The following DACH2 variants were observed in gnomAD, a reference collection of about 807,000 sequenced individuals.
DACH2 encodes the protein dachshund homolog 2.
A neutral mutation model predicts 35.8 loss-of-function variants in DACH2; 17 were observed. The observed-to-expected ratio is 0.48, with a 90% CI of 0.33 to 0.71. DACH2 has a LOEUF of 0.71. Among genes scored for constraint, DACH2 ranks in the 30% least tolerant of loss-of-function variants. The pLI is 0.02. For synonymous variants in DACH2, 195 were observed against 177.3 expected, an observed-to-expected ratio of 1.10 and a Z score of -0.79; for missense variants, 469 against 472.7, an observed-to-expected ratio of 0.99 and a Z score of 0.07.
chrX:86,274,459 TTTTTTC>T (rs1341724402), intron 1 of DACH2, among the ~76,000 whole-genome samples: 5 of 38,724 alleles, frequency 1.3e-4, no homozygotes, highest in African/African-American at 4.4e-4. Context: ...TCCTTTTTTT[TTTTTTC>T]TTTTTTTTTT....
At chrX:86,230,249 T>A (rs745624721) in intron 1 of DACH2, among the ~76,000 whole-genome samples, 3 of 111,749 alleles carry the variant, frequency 2.7e-5, no homozygotes, top group Non-Finnish European at 5.6e-5. Flanking sequence ...ATTCTGTTTA[T>A]GTGGTGAATC....
At chrX:86,326,311 C>A (rs927163883) in intron 1 of DACH2, among the ~76,000 whole-genome samples, 1 of 109,881 alleles carries the variant, frequency 9.1e-6, no homozygotes, top group Non-Finnish European at 1.9e-5. Context: ...TCCATCTCTA[C>A]AAAAAATTAG....
chrX:86,716,928 T>A, intron 6 of DACH2, among the ~76,000 whole-genome samples: 1 of 112,201 alleles, frequency 8.9e-6, no homozygotes, highest in East Asian at 2.8e-4. Flanking sequence ...TTTATACAAC[T>A]TTTTAAAAGG....
chrX:86,191,810 G>A (rs746016260), intron 1 of DACH2, among the ~76,000 whole-genome samples: 2 of 110,016 alleles, frequency 1.8e-5, no homozygotes, highest in African/African-American at 3.3e-5. Context: ...ACGTGGTAGC[G>A]GGAACCTGTA....
intron 3 of DACH2, among the ~76,000 whole-genome samples, chrX:86,549,548 T>G (rs1306622504): frequency 1.8e-5 from 2 of 110,457 alleles, no homozygotes; most frequent in Non-Finnish European, 3.8e-5. Flanking sequence ...CTTTCAGGTA[T>G]AAGTTACGAA....
At chrX:86,503,125 C>T (rs1012248125) in intron 2 of DACH2, among the ~76,000 whole-genome samples, 1 of 112,274 alleles carries the variant, frequency 8.9e-6, no homozygotes, top group African/African-American at 3.2e-5. Context: ...AGAATTCCCT[C>T]ATGTAAATTT....
intron 4 of DACH2, among the ~76,000 whole-genome samples, chrX:86,667,518 AAAGAAAGAAAGAAAGAAAGAAAGAAAG>A (rs1569463575): frequency 6.8e-5 from 4 of 59,011 alleles, no homozygotes; most frequent in Admixed American, 4.1e-4. Context: ...AGAAAGAAAG[AAAGAAAGAAAGAAAGAAAGAAAGAAAG>A]AAGAAAGAAA....
chrX:86,796,761 A>G (rs1000350676), intron 7 of DACH2, among the ~76,000 whole-genome samples: 1 of 112,028 alleles, frequency 8.9e-6, no homozygotes, highest in Non-Finnish European at 1.9e-5. Flanking sequence ...TGTGAAGTAT[A>G]TCTTAAAAAT....
chrX:86,546,430 C>A (rs1356972300), intron 3 of DACH2, among the ~76,000 whole-genome samples: 2 of 85,783 alleles, frequency 2.3e-5, no homozygotes, highest in Admixed American at 2.7e-4. Context: ...TCTTCTTCTT[C>A]TTCCTCTTCT....
chrX:86,634,219 C>T (rs912711809), intron 3 of DACH2, among the ~76,000 whole-genome samples: 28 of 111,577 alleles, frequency 2.5e-4, no homozygotes, highest in Admixed American at 2.4e-3. Context: ...TATCCAATCA[C>T]CTCCCACCAC....
At chrX:86,254,807 T>TATATATATATATATATATATAGAGAGAG (rs1380613474) in intron 1 of DACH2, among the ~76,000 whole-genome samples, 1 of 49,652 alleles carries the variant, frequency 2.0e-5, no homozygotes, top group African/African-American at 1.2e-4. Context: ...TATATATATA[T>TATATATATATATATATATATAGAGAGAG]AGAGAGAGAG....
intron 1 of DACH2, among the ~76,000 whole-genome samples, chrX:86,343,740 T>C (rs1345704152): frequency 9.0e-6 from 1 of 111,730 alleles, no homozygotes; most frequent in South Asian, 3.7e-4. Flanking sequence ...CAATTAAAAA[T>C]GTATATAAAA....
intron 1 of DACH2, among the ~76,000 whole-genome samples, chrX:86,281,499 C>T (rs2034027360): frequency 1.8e-5 from 2 of 111,642 alleles, no homozygotes; most frequent in Admixed American, 1.9e-4. Context: ...TGGAACATAT[C>T]TCAAAATAAT....
At chrX:86,711,270 G>A (rs919078717) in intron 5 of DACH2, among the ~76,000 whole-genome samples, 3 of 111,136 alleles carry the variant, frequency 2.7e-5, no homozygotes, top group African/African-American at 6.5e-5. Flanking sequence ...CCAGCTACTC[G>A]GGAGGGTGAG....
chrX:86,628,438 A>T (rs1407204417), intron 3 of DACH2, among the ~76,000 whole-genome samples: 2 of 112,112 alleles, frequency 1.8e-5, no homozygotes, highest in East Asian at 5.6e-4. Flanking sequence ...ATGATTCCTC[A>T]GTCAGTATTC....
chrX:86,832,223 C>A lies in DACH2; in HGVS notation c.*68C>A. The A allele has an allele frequency of 1.2e-6, 1 of 860,441 alleles. No homozygotes were observed. The highest frequency in any genetic ancestry group is 1.7e-6 in the Non-Finnish European group (1 of 590,117). 70.9% of individuals were successfully genotyped at this position (860,441 alleles called of 1,213,427 possible). On this transcript the variant is annotated 3_prime_UTR_variant, in exon 12 of 12. Coordinates refer to ENST00000373125, the MANE Select transcript of DACH2 (RefSeq NM_053281.3). ...CCAGTTTATCTCTGAAACTATTCAACATGGAGTTATTTCAGTTTTGTTTAT... is the reference window on the plus strand; with the variant it reads ...CCAGTTTATCTCTGAAACTATTCAAAATGGAGTTATTTCAGTTTTGTTTAT...
intron 4 of DACH2, among the ~76,000 whole-genome samples, chrX:86,683,080 G>A (rs2148434633): frequency 9.1e-6 from 1 of 110,463 alleles, no homozygotes; most frequent in South Asian, 3.8e-4. Context: ...TTTTTTTCTT[G>A]CCTAAATTCT....
At chrX:86,551,692 TTG>T (rs2039051171) in intron 3 of DACH2, among the ~76,000 whole-genome samples, 1 of 112,134 alleles carries the variant, frequency 8.9e-6, no homozygotes, top group Non-Finnish European at 1.9e-5. Flanking sequence ...GATCAGTAAC[TTG>T]TATTTTGTGT....
intron 3 of DACH2, among the ~76,000 whole-genome samples, chrX:86,567,757 G>A (rs2039310957): frequency 1.8e-5 from 2 of 111,085 alleles, no homozygotes; most frequent in South Asian, 7.5e-4. Context: ...TTAAACTGTA[G>A]GGTTGGTCAT....
Sources: allele counts gnomAD v4.1 joint callset (sites outside exome capture counted in the v4.1 genomes callset), GRCh38; gene constraint gnomAD v4.1.1; transcripts MANE v1.5; gene names NCBI Gene and HGNC (gene_info 2026-07-23, HGNC 2026-07-21).